The following STAG2 variants were observed in gnomAD, a reference collection of about 807,000 sequenced individuals.
STAG2 encodes the protein STAG2 cohesin complex component, also known as cohesin subunit SA-2.
In STAG2, 14 loss-of-function variants were observed where a neutral mutation model predicts 108.1. The ratio of observed to expected loss-of-function variants is 0.13; its 90% CI spans 0.09 to 0.20. The LOEUF (loss-of-function observed/expected upper bound fraction) is 0.20, where lower values mean the gene tolerates loss of function less well. Ranked by LOEUF, STAG2 falls within the 10% of genes least tolerant of loss-of-function variation. The pLI, the probability that STAG2 is intolerant of heterozygous loss-of-function variation, is 1.00. For missense variants in STAG2, 440 were observed against 940.9 expected, an observed-to-expected ratio of 0.47 and a Z score of 6.96; for synonymous variants, 307 against 302.7, an observed-to-expected ratio of 1.01 and a Z score of -0.15.
chrX:123,962,546 G>A (rs994311205), intron 1 of STAG2, among the ~76,000 whole-genome samples: 1 of 111,195 alleles, frequency 9.0e-6, no homozygotes, highest in Non-Finnish European at 1.9e-5. Flanking sequence ...CATCCGGTTT[G>A]TGAGACTTTC....
In STAG2 at chrX:124,071,240, C is replaced by G; in HGVS notation, c.2450C>G (p.Pro817Arg). 1 of 1,206,200 alleles carries G rather than the reference C, an allele frequency of 8.3e-7. No individual in the cohort carries two copies. Among genetic ancestry groups the G allele is most frequent in the Non-Finnish European group, 1.1e-6 (1 of 893,019 alleles). Reference protein sequence around the residue: ...RDMLEPLVYTPDSSLQSELLS... With the variant: ...RDMLEPLVYTRDSSLQSELLS... ...ATGTTAGAGCCATTAGTGTATACCC[C>G]TGATTCTTCATTGCAGTCTGAGTTG... The change falls in exon 25 of 35, where the codon CCT becomes CGT. Residue 817 changes from proline to arginine, a missense_variant. By Grantham distance (103) the Pro-to-Arg change is moderately radical. Coordinates refer to ENST00000371145, the MANE Select transcript of STAG2 (RefSeq NM_001042750.2).
intron 28 of STAG2, among the ~76,000 whole-genome samples, chrX:124,082,445 G>A (rs1271406676): frequency 2.7e-5 from 3 of 111,475 alleles, no homozygotes; most frequent in Non-Finnish European, 5.7e-5. Flanking sequence ...TTAGATTCTC[G>A]GACTCTCCTT....
At chrX:124,041,732 AT>A (rs1336750211) in intron 6 of STAG2, among the ~76,000 whole-genome samples, 5 of 111,445 alleles carry the variant, frequency 4.5e-5, no homozygotes, top group Non-Finnish European at 7.5e-5. Flanking sequence ...CACACTAGAA[AT>A]TTCCTTTCTG....
intron 25 of STAG2, among the ~76,000 whole-genome samples, chrX:124,073,257 A>G (rs1312019538): frequency 8.9e-6 from 1 of 111,980 alleles, no homozygotes; most frequent in Non-Finnish European, 1.9e-5. Context: ...AACCTGATAC[A>G]AAATAAGTTT....
intron 30 of STAG2, among the ~76,000 whole-genome samples, chrX:124,088,171 T>A (rs2059152186): frequency 9.0e-6 from 1 of 110,635 alleles, no homozygotes; most frequent in Non-Finnish European, 1.9e-5. Context: ...GGCCATCAAA[T>A]CTCTCTCTCT....
At chrX:124,085,538 C>T (rs2059078330) in intron 29 of STAG2, among the ~76,000 whole-genome samples, 1 of 110,565 alleles carries the variant, frequency 9.0e-6, no homozygotes, top group Non-Finnish European at 1.9e-5. Flanking sequence ...CCTGTAATCC[C>T]AGCATTTTGG....
intron 1 of STAG2, among the ~76,000 whole-genome samples, chrX:123,987,455 C>T (rs1209615437): frequency 1.8e-5 from 2 of 109,461 alleles, no homozygotes; most frequent in Admixed American, 2.0e-4. Flanking sequence ...GCCTTGTTGG[C>T]CAGGCTGGTC....
intron 1 of STAG2, among the ~76,000 whole-genome samples, chrX:123,997,893 G>A (rs1419570225): frequency 8.9e-6 from 1 of 111,891 alleles, no homozygotes; most frequent in Non-Finnish European, 1.9e-5. Context: ...CGCCCACCTC[G>A]GCCTCCCAAA....
chrX:123,992,692 C>A (rs1195836341), intron 1 of STAG2, among the ~76,000 whole-genome samples: 1 of 110,894 alleles, frequency 9.0e-6, no homozygotes, highest in East Asian at 2.8e-4. Context: ...GCACACACCA[C>A]CATGTCCAGC....
chrX:123,994,238 CA>C (rs1344485965), intron 1 of STAG2, among the ~76,000 whole-genome samples: 1 of 111,409 alleles, frequency 9.0e-6, no homozygotes, highest in Non-Finnish European at 1.9e-5. Context: ...GGAATGAATC[CA>C]TTTCCAGGAG....
intron 11 of STAG2, 21 bp from the exon 12 acceptor site, chrX:124,051,100 T>C: frequency 1.8e-5 from 2 of 110,495 alleles, no homozygotes; most frequent in African/African-American, 5.0e-5. Context: ...TTGTCTCATC[T>C]TTTTTTTTTT....
In STAG2 at chrX:124,094,010, T is replaced by G. The variant is rs762050010; in HGVS notation, c.3579-8T>G. On this transcript the variant is annotated splice_region_variant and splice_polypyrimidine_tract_variant and intron_variant, in intron 32 of 34. Transcript: ENST00000371145. ...TTCAGATCTTGACTTTGTTTTATAT[T>G]TCTCTAGTCGGCGTGGCACAAGCCT... The G allele has an allele frequency of 8.3e-7, 1 of 1,209,896 alleles. No individual in the cohort carries two copies. The highest frequency in any genetic ancestry group is 1.1e-6 in the Non-Finnish European group (1 of 894,725).
chrX:124,072,697 T>TGTTG (rs1271785506), intron 25 of STAG2, among the ~76,000 whole-genome samples: 1 of 106,740 alleles, frequency 9.4e-6, no homozygotes, highest in Non-Finnish European at 1.9e-5. Flanking sequence ...TGTTGTTGTT[T>TGTTG]GTTTGTTTGT....
At chrX:124,096,304 A>G (rs2059377296) in intron 34 of STAG2, among the ~76,000 whole-genome samples, 2 of 110,830 alleles carry the variant, frequency 1.8e-5, no homozygotes, top group African/African-American at 6.6e-5. Flanking sequence ...TCTATGCTCT[A>G]GCCATATCAA....
intron 1 of STAG2, among the ~76,000 whole-genome samples, chrX:124,000,682 AG>A (rs2055986479): frequency 9.0e-6 from 1 of 111,177 alleles, no homozygotes; most frequent in Admixed American, 9.6e-5. Flanking sequence ...CCCTGTCTCA[AG>A]GGAAAAAAAG....
intron 1 of STAG2, among the ~76,000 whole-genome samples, chrX:123,972,339 C>T (rs2054390427): frequency 9.5e-6 from 1 of 105,708 alleles, no homozygotes; most frequent in South Asian, 4.3e-4. Context: ...GGCGCAATCT[C>T]AGCTCACTGC....
At position 124,076,353 on chromosome X, in the gene STAG2, C is replaced by G. The variant is rs1004139706; in HGVS notation, c.2555C>G (p.Ala852Gly). ...CCAGATGGTCAGCAAGAGGATGAAG[C>G]CAGTAAAATTGAAGCTCTGCACAAG... is the stretch of plus-strand genomic sequence containing the variant. ...NSADGQQEDEASKIEALHKRR... is the reference protein window; with the variant it reads ...NSADGQQEDEGSKIEALHKRR... Residue 852 changes from alanine to glycine, a missense_variant, in exon 26 of 35, where the codon GCC becomes GGC. By Grantham distance (60) the Ala-to-Gly change is moderately conservative. Transcript: ENST00000371145. 21 of 1,207,024 alleles carry G rather than the reference C, an allele frequency of 1.7e-5. No homozygotes were observed. Among genetic ancestry groups the G allele is most frequent in the Non-Finnish European group, 2.2e-5 (20 of 893,648 alleles).
intron 1 of STAG2, among the ~76,000 whole-genome samples, chrX:123,995,080 G>A (rs1274250214): frequency 8.9e-6 from 1 of 111,923 alleles, no homozygotes; most frequent in Non-Finnish European, 1.9e-5. Context: ...CAAAAAATGT[G>A]TAGAGGGGCC....
rs768032978 is a variant in STAG2 at position 124,066,386 on chromosome X, T to C, written c.2215T>C (p.Tyr739His). ...IVIHALQCTH[Y>H]VILWQLAKIT... ...TATTCACGCACTGCAGTGTACTCACTATGTAATCCTTTGGCAACTTGCTAA... is the reference window on the plus strand; with the variant it reads ...TATTCACGCACTGCAGTGTACTCACCATGTAATCCTTTGGCAACTTGCTAA... Residue 739 changes from tyrosine (Y) to histidine (H), a missense_variant, in exon 23 of 35, where the codon TAT becomes CAT. By Grantham distance (83) the Tyr-to-His change is moderately conservative. Transcript: ENST00000371145. 1.7e-6 allele frequency: 2 copies of C among 1,208,769 alleles called. No homozygotes were observed.
Sources: allele counts gnomAD v4.1 joint callset (sites outside exome capture counted in the v4.1 genomes callset), GRCh38; gene constraint gnomAD v4.1.1; transcripts MANE v1.5; gene names NCBI Gene and HGNC (gene_info 2026-07-23, HGNC 2026-07-21).